Variants in PRKACB observed in about 807,000 individuals in gnomAD.
The protein encoded by PRKACB is cAMP-dependent protein kinase catalytic subunit beta.
PRKACB carries 16 observed loss-of-function variants against 51.4 expected under a neutral mutation model. The observed-to-expected ratio is 0.31, with a 90% CI of 0.21 to 0.47. The LOEUF is 0.47. PRKACB is among the 20% of genes least tolerant of loss of function. The pLI, the probability that PRKACB is intolerant of heterozygous loss-of-function variation, is 1.00. For synonymous variants in PRKACB, 147 were observed against 154.4 expected, an observed-to-expected ratio of 0.95 and a Z score of 0.35; for missense variants, 309 against 464.5, an observed-to-expected ratio of 0.67 and a Z score of 3.08.
chr1:84,206,656 A>G (rs1346812284), intron 8 of PRKACB, among the ~76,000 whole-genome samples: 2 of 152,216 alleles, frequency 1.3e-5, no homozygotes, highest in South Asian at 4.1e-4. Flanking sequence ...GGGGTTGGTC[A>G]CATATGCACC....
chr1:84,205,253 T>TA, intron 8 of PRKACB: 1 of 984,594 alleles, frequency 1.0e-6, no homozygotes, highest in Non-Finnish European at 1.2e-6. Context: ...TGAAGTTAGA[T>TA]TGTATTAACC....
intron 1 of PRKACB, among the ~76,000 whole-genome samples, chr1:84,097,773 T>G (rs1158110262): frequency 1.3e-5 from 2 of 151,918 alleles, no homozygotes; most frequent in Non-Finnish European, 2.9e-5. Context: ...GATATTCCAG[T>G]CTTAAAAGAA....
intron 1 of PRKACB, chr1:84,173,295 GTTAT>G (rs758469547): frequency 1.3e-6 from 2 of 1,532,358 alleles, no homozygotes; most frequent in Middle Eastern, 3.4e-4. Context: ...TATTTTATGT[GTTAT>G]TTAATCTCTG....
At chr1:84,119,015 T>A (rs1557963408) in intron 1 of PRKACB, among the ~76,000 whole-genome samples, 1 of 152,172 alleles carries the variant, frequency 6.6e-6, no homozygotes, top group Non-Finnish European at 1.5e-5. Context: ...ACTTCAAAGT[T>A]CAAGTGGTGA....
chr1:84,143,388 T>G (rs1225251272), upstream of PRKACB, among the ~76,000 whole-genome samples: 1 of 151,816 alleles, frequency 6.6e-6, no homozygotes, highest in Non-Finnish European at 1.5e-5. Context: ...GGAGCGGAGG[T>G]CGCAGTGAGC....
In PRKACB at chr1:84,177,383, G is replaced by A. The variant is rs2100915271; in HGVS notation, c.188-1794G>A. ...TTACCTATAAAATTACTCTTTTTCT[G>A]TTGTAACTAGCACATTCATTTTTAG... is the stretch of plus-strand genomic sequence containing the variant. On this transcript the variant is annotated intron_variant, in intron 1 of 9. Coordinates refer to ENST00000370685, the MANE Select transcript of PRKACB (RefSeq NM_182948.4). 2.0e-5 allele frequency among the ~76,000 whole-genome samples: 3 copies of A among 152,106 alleles called. No individual in the cohort carries two copies. The South Asian group carries it at 6.2e-4, about 32-fold the overall frequency.
rs140432278 is a variant in PRKACB, at chr1:84,126,511, A to G, written c.46+48140A>G. On this transcript the variant is annotated intron_variant, in intron 1 of 8. Coordinates refer to the PRKACB transcript ENST00000370688. ...CTCTTCTCTCCTCTGCCACTCTGCCACTCTGCTGGTGGGGCTTGGGGTTTT... is the reference window on the plus strand; with the variant it reads ...CTCTTCTCTCCTCTGCCACTCTGCCGCTCTGCTGGTGGGGCTTGGGGTTTT... Among the ~76,000 whole-genome samples the G allele has an allele frequency of 3.1e-3, 477 of 151,686 alleles. 2 individuals are homozygous for G. Among genetic ancestry groups the G allele is most frequent in the Middle Eastern group, 6.8e-3 (2 of 292 alleles).
At chr1:84,139,702 A>G (rs1049868964), upstream of PRKACB, among the ~76,000 whole-genome samples, 2 of 152,230 alleles carry the variant, frequency 1.3e-5, no homozygotes, top group African/African-American at 4.8e-5. Flanking sequence ...AGACATAGAT[A>G]AACTGATCTT....
At position 84,113,970 on chromosome 1, in the gene PRKACB, G is replaced by T. The variant is rs545234837; in HGVS notation, c.46+35599G>T. The stretch of plus-strand genomic sequence containing the variant: ...ACCGAATTTTACATTTAAAACTGGC[G>T]AAATTTGTGGTACATAAGTTATCTC... On this transcript the variant is annotated intron_variant, in intron 1 of 8. Transcript: ENST00000370688. 8.0e-4 allele frequency among the ~76,000 whole-genome samples: 121 copies of T among 152,176 alleles called. 1 individual carries two copies. The South Asian group carries it at 0.016, about 20-fold the overall frequency.
intron 1 of PRKACB, among the ~76,000 whole-genome samples, chr1:84,083,787 G>A (rs534708489): frequency 3.3e-5 from 5 of 152,272 alleles, no homozygotes; most frequent in Non-Finnish European, 7.4e-5. Context: ...AGGTAAATAT[G>A]CTTAGGTCAC....
At chr1:84,197,488 A>T (rs1241924544) in intron 6 of PRKACB, among the ~76,000 whole-genome samples, 1 of 152,020 alleles carries the variant, frequency 6.6e-6, no homozygotes, top group East Asian at 1.9e-4. Context: ...ATAATGACTG[A>T]AAAGAGTTTT....
chr1:84,094,689 G>A (rs142154723), intron 1 of PRKACB, among the ~76,000 whole-genome samples: 2 of 151,824 alleles, frequency 1.3e-5, no homozygotes, highest in South Asian at 2.1e-4. Context: ...TTCTGCTTTC[G>A]TTGCCTACAT....
At chr1:84,106,064 A>G (rs1464874823) in intron 1 of PRKACB, among the ~76,000 whole-genome samples, 5 of 152,204 alleles carry the variant, frequency 3.3e-5, no homozygotes, top group East Asian at 1.9e-4. Flanking sequence ...TATTTAAAGT[A>G]TACAGGAAGA....
intron 7 of PRKACB, 77 bp downstream of exon 7, chr1:84,197,901 A>T: frequency 1.0e-6 from 1 of 977,514 alleles, no homozygotes; most frequent in East Asian, 2.6e-5. Context: ...AAAACAGTTT[A>T]TTGATCTAAT....
upstream of PRKACB, among the ~76,000 whole-genome samples, chr1:84,140,629 G>A (rs1355044721): frequency 6.6e-6 from 1 of 152,100 alleles, no homozygotes; most frequent in Non-Finnish European, 1.5e-5. Flanking sequence ...CATGGACAAT[G>A]AAATTTTATG....
intron 8 of PRKACB, among the ~76,000 whole-genome samples, chr1:84,211,526 T>A (rs1451247987): frequency 6.6e-6 from 1 of 152,188 alleles, no homozygotes. Flanking sequence ...TTACTTCATC[T>A]AGGTAAATGA....
intron 1 of PRKACB, among the ~76,000 whole-genome samples, chr1:84,106,466 C>A (rs772679667): frequency 6.6e-6 from 1 of 152,002 alleles, no homozygotes; most frequent in Non-Finnish European, 1.5e-5. Flanking sequence ...CTAACAGCAC[C>A]CAAGCTGAGA....
intron 5 of PRKACB, among the ~76,000 whole-genome samples, chr1:84,185,878 G>A (rs1326740897): frequency 6.6e-6 from 1 of 152,140 alleles, no homozygotes; most frequent in Non-Finnish European, 1.5e-5. Flanking sequence ...AAATAAAAAT[G>A]TAGAGACAAA....
chr1:84,175,869 A>G, intron 1 of PRKACB: 1 of 1,244,610 alleles, frequency 8.0e-7, no homozygotes, highest in Non-Finnish European at 1.1e-6. Context: ...AACAGAAAAA[A>G]TATATAATTG....
Sources: gnomAD v4.1 joint callset for allele counts (sites outside exome capture counted in the v4.1 genomes callset) on GRCh38, gnomAD v4.1.1 for gene constraint, MANE v1.5 for transcripts, NCBI Gene and HGNC (gene_info 2026-07-23, HGNC 2026-07-21) for gene names.